SYT9: variants seen among roughly 807,000 people sequenced by gnomAD.
SYT9 encodes synaptotagmin 9.
In SYT9, 22 loss-of-function variants were observed where a neutral mutation model predicts 48.4. The ratio of observed to expected loss-of-function variants is 0.45; its 90% CI spans 0.32 to 0.65. SYT9 has a LOEUF of 0.65. SYT9 is among the 30% of genes least tolerant of loss of function. The pLI is 0.03. For missense variants in SYT9, 577 were observed against 622.0 expected, an observed-to-expected ratio of 0.93 and a Z score of 0.77; for synonymous variants, 265 against 245.0, an observed-to-expected ratio of 1.08 and a Z score of -0.76.
intron 6 of SYT9, among the ~76,000 whole-genome samples, chr11:7,450,630 T>C (rs1848029707): frequency 6.6e-6 from 1 of 152,246 alleles, no homozygotes; most frequent in Admixed American, 6.5e-5. Flanking sequence ...CTGTTGGACA[T>C]AGCTACCAAG....
intron 1 of SYT9, among the ~76,000 whole-genome samples, chr11:7,263,266 CT>C (rs1359776874): frequency 1.3e-5 from 2 of 152,154 alleles, no homozygotes; most frequent in East Asian, 3.9e-4. Context: ...CTGGCAGATG[CT>C]GTGTCAGGTG....
intron 3 of SYT9, among the ~76,000 whole-genome samples, chr11:7,399,029 T>C (rs72846042): frequency 0.07 from 10,683 of 152,270 alleles, 472 homozygotes; most frequent in Middle Eastern, 0.18. Context: ...GGTTTTTTGC[T>C]TATTCTCTGC....
At chr11:7,380,536 A>G (rs1257425579) in intron 3 of SYT9, among the ~76,000 whole-genome samples, 1 of 152,224 alleles carries the variant, frequency 6.6e-6, no homozygotes, top group African/African-American at 2.4e-5. Flanking sequence ...TCCTGTATCA[A>G]AACCTCTCAG....
chr11:7,270,940 A>G (rs1848284950), intron 1 of SYT9, among the ~76,000 whole-genome samples: 1 of 152,032 alleles, frequency 6.6e-6, no homozygotes, highest in South Asian at 2.1e-4. Context: ...TAATAAATGT[A>G]AAAGTGAGAA....
intron 3 of SYT9, among the ~76,000 whole-genome samples, chr11:7,348,326 G>T (rs943558336): frequency 2.6e-5 from 4 of 152,116 alleles, no homozygotes; most frequent in African/African-American, 7.2e-5. Context: ...ATGTCACCTG[G>T]CCATCAGCAT....
At chr11:7,289,079 G>A (rs1419278885) in intron 1 of SYT9, among the ~76,000 whole-genome samples, 1 of 152,222 alleles carries the variant, frequency 6.6e-6, no homozygotes, top group East Asian at 1.9e-4. Context: ...GAAAATGTTA[G>A]TAAAACACCT....
chr11:7,273,513 A>G lies in SYT9; in HGVS notation c.145+21182A>G, dbSNP rs1267715257. On this transcript the variant is annotated intron_variant, in intron 1 of 6. Coordinates refer to ENST00000318881, the MANE Select transcript of SYT9 (RefSeq NM_175733.4). ...CCAGTATTTATTTCTTCTGAAGGCA[A>G]TTAGGAAAAAATCAGGAGTGTTTAC... 5.9e-5 allele frequency among the ~76,000 whole-genome samples: 9 copies of G among 152,178 alleles called. No homozygotes were observed. In the East Asian group the frequency reaches 9.6e-4, roughly 16 times the overall value.
chr11:7,398,956 A>G (rs111438937), intron 3 of SYT9, among the ~76,000 whole-genome samples: 45,963 of 111,932 alleles, frequency 0.41, 7,914 homozygotes, highest in East Asian at 0.64. Flanking sequence ...GGCTAGACAC[A>G]CCAAACAGCA....
At chr11:7,239,456 A>G (rs1847718166) in intron 1 of SYT9, among the ~76,000 whole-genome samples, 1 of 152,170 alleles carries the variant, frequency 6.6e-6, no homozygotes, top group Non-Finnish European at 1.5e-5. Context: ...CAGATGCTCC[A>G]TCCCAAACCT....
At chr11:7,441,094 A>C (rs1847822183) in intron 6 of SYT9, 2 of 152,310 alleles carry the variant, frequency 1.3e-5, no homozygotes, top group African/African-American at 4.8e-5. Context: ...CAGGACAATG[A>C]TCACAGCCTT....
At chr11:7,256,719 A>C (rs554590391) in intron 1 of SYT9, among the ~76,000 whole-genome samples, 2 of 152,256 alleles carry the variant, frequency 1.3e-5, no homozygotes, top group South Asian at 4.1e-4. Flanking sequence ...AGTATTTTTG[A>C]TTATGAATTC....
At chr11:7,289,815 A>G (rs1434278179) in intron 1 of SYT9, among the ~76,000 whole-genome samples, 3 of 152,196 alleles carry the variant, frequency 2.0e-5, no homozygotes, top group African/African-American at 7.2e-5. Flanking sequence ...AATCACTCTA[A>G]TGAGTAAATG....
At chr11:7,323,601 AC>A (rs1421200466) in intron 3 of SYT9, among the ~76,000 whole-genome samples, 2 of 151,850 alleles carry the variant, frequency 1.3e-5, no homozygotes, top group Non-Finnish European at 2.9e-5. Flanking sequence ...CTTTTTGAAA[AC>A]CTGAATGGAT....
intron 1 of SYT9, among the ~76,000 whole-genome samples, chr11:7,277,788 T>C (rs895016647): frequency 6.6e-6 from 1 of 152,232 alleles, no homozygotes; most frequent in Admixed American, 6.5e-5. Flanking sequence ...AATTCATGCC[T>C]AGAATATTTT....
chr11:7,394,055 C>T (rs930224165), intron 3 of SYT9, among the ~76,000 whole-genome samples: 1 of 151,720 alleles, frequency 6.6e-6, no homozygotes, highest in African/African-American at 2.4e-5. Flanking sequence ...TTGTGTGCTG[C>T]ACCCATTAAC....
intron 3 of SYT9, among the ~76,000 whole-genome samples, chr11:7,358,999 C>T (rs894836905): frequency 6.6e-6 from 1 of 152,002 alleles, no homozygotes; most frequent in Non-Finnish European, 1.5e-5. Context: ...ATTCCTCCCC[C>T]CTCCCCTCAC....
At chr11:7,385,714 T>C (rs145405237) in intron 3 of SYT9, among the ~76,000 whole-genome samples, 19 of 152,314 alleles carry the variant, frequency 1.2e-4, no homozygotes, top group African/African-American at 4.3e-4. Context: ...TTCTGGGCTC[T>C]CTGTGCAGCT....
intron 1 of SYT9, among the ~76,000 whole-genome samples, chr11:7,282,926 GCACA>G (rs151278873): frequency 7.4e-6 from 1 of 135,648 alleles, no homozygotes; most frequent in African/African-American, 2.7e-5. Flanking sequence ...ACACACACAC[GCACA>G]CACACACACA....
At chr11:7,411,140 C>T (rs1336020640) in intron 3 of SYT9, among the ~76,000 whole-genome samples, 5 of 152,230 alleles carry the variant, frequency 3.3e-5, no homozygotes, top group Admixed American at 1.3e-4. Flanking sequence ...CAGGTGTGAG[C>T]CACCATGCCC....
Sources: gnomAD v4.1 joint callset for allele counts (sites outside exome capture counted in the v4.1 genomes callset) on GRCh38, gnomAD v4.1.1 for gene constraint, MANE v1.5 for transcripts, NCBI Gene and HGNC (gene_info 2026-07-23, HGNC 2026-07-21) for gene names.